The following PTPRT variants were observed in gnomAD, a reference collection of about 807,000 sequenced individuals.
The protein encoded by PTPRT is receptor-type tyrosine-protein phosphatase T.
Under a neutral mutation model 176.8 loss-of-function variants are expected in PTPRT, and 56 were observed. The observed-to-expected ratio is 0.32, with a 90% confidence interval of 0.26 to 0.40. PTPRT has a LOEUF of 0.40. Ranked by LOEUF, PTPRT falls within the 10% of genes least tolerant of loss-of-function variation. The pLI is 1.00. For synonymous variants in PTPRT, 783 were observed against 739.0 expected, an observed-to-expected ratio of 1.06 and a Z score of -0.96; for missense variants, 1,540 against 1,908.2, an observed-to-expected ratio of 0.81 and a Z score of 3.60.
intron 1 of PTPRT, among the ~76,000 whole-genome samples, chr20:43,009,456 G>A (rs1487699372): frequency 2.0e-5 from 3 of 152,116 alleles, no homozygotes; most frequent in African/African-American, 7.2e-5. Flanking sequence ...GTTGAAAGAC[G>A]GTAGAGACAC....
At chr20:42,893,345 A>G (rs1353898146) in intron 1 of PTPRT, among the ~76,000 whole-genome samples, 1 of 152,218 alleles carries the variant, frequency 6.6e-6, no homozygotes, top group African/African-American at 2.4e-5. Flanking sequence ...GGCTATCATT[A>G]AAAAGTCAGG....
intron 1 of PTPRT, among the ~76,000 whole-genome samples, chr20:43,053,208 T>C (rs1987112816): frequency 1.3e-5 from 2 of 152,162 alleles, no homozygotes; most frequent in Admixed American, 1.3e-4. Context: ...TTGTGTTCCT[T>C]CTCTCTCTTC....
chr20:43,094,078 TC>T (rs1185172350), intron 1 of PTPRT, among the ~76,000 whole-genome samples: 1 of 140,728 alleles, frequency 7.1e-6, no homozygotes, highest in Non-Finnish European at 1.5e-5. Flanking sequence ...TCTGTTTTTT[TC>T]TTTCTTTCTT....
At chr20:42,264,279 C>A (rs2056802362) in intron 13 of PTPRT, among the ~76,000 whole-genome samples, 1 of 152,172 alleles carries the variant, frequency 6.6e-6, no homozygotes, top group Non-Finnish European at 1.5e-5. Context: ...GATGTGACAA[C>A]CCTCTTCTGC....
intron 1 of PTPRT, among the ~76,000 whole-genome samples, chr20:43,037,174 C>A (rs1441282709): frequency 6.6e-6 from 1 of 152,140 alleles, no homozygotes; most frequent in Non-Finnish European, 1.5e-5. Context: ...TGCTTTAGCT[C>A]CCTGTAAAGG....
chr20:42,926,816 G>C (rs1225715744), intron 1 of PTPRT, among the ~76,000 whole-genome samples: 1 of 152,138 alleles, frequency 6.6e-6, no homozygotes, highest in African/African-American at 2.4e-5. Context: ...CTCAGCAAGG[G>C]GGCAGCCAGG....
At chr20:42,249,885 C>A (rs959804254) in intron 13 of PTPRT, among the ~76,000 whole-genome samples, 3 of 152,210 alleles carry the variant, frequency 2.0e-5, no homozygotes, top group Non-Finnish European at 4.4e-5. Flanking sequence ...GGGTTATCAG[C>A]ACCCGAAGTG....
intron 1 of PTPRT, among the ~76,000 whole-genome samples, chr20:43,001,713 T>A (rs952297448): frequency 1.3e-5 from 2 of 152,156 alleles, no homozygotes. Context: ...CTTTTATACA[T>A]GATTAAGCTG....
At chr20:43,184,827 T>C (rs1158637941) in intron 1 of PTPRT, among the ~76,000 whole-genome samples, 2 of 152,208 alleles carry the variant, frequency 1.3e-5, no homozygotes, top group African/African-American at 4.8e-5. Flanking sequence ...GAATCCTCAC[T>C]GGGTCCCTCT....
chr20:42,919,758 AAT>A (rs1979023032), intron 1 of PTPRT, among the ~76,000 whole-genome samples: 1 of 152,210 alleles, frequency 6.6e-6, no homozygotes, highest in South Asian at 2.1e-4. Flanking sequence ...CCCACCCTCA[AAT>A]ATAGATTCCT....
intron 4 of PTPRT, among the ~76,000 whole-genome samples, chr20:42,779,780 A>G (rs2077188128): frequency 1.3e-5 from 2 of 152,118 alleles, no homozygotes; most frequent in South Asian, 4.1e-4. Flanking sequence ...AAAAGAATTA[A>G]TAACTTCAGG....
chr20:42,464,081 T>C (rs957103282), intron 8 of PTPRT, among the ~76,000 whole-genome samples: 2 of 152,148 alleles, frequency 1.3e-5, no homozygotes, highest in Non-Finnish European at 2.9e-5. Flanking sequence ...GTGGTACTAC[T>C]GAACTTGGAG....
At chr20:42,260,614 G>A (rs184717145) in intron 13 of PTPRT, among the ~76,000 whole-genome samples, 6 of 152,286 alleles carry the variant, frequency 3.9e-5, no homozygotes, top group Non-Finnish European at 7.4e-5. Flanking sequence ...GGGCAGCAAT[G>A]GGCCAAGGAG....
intron 1 of PTPRT, among the ~76,000 whole-genome samples, chr20:42,935,445 T>C (rs983033704): frequency 4.6e-5 from 7 of 152,064 alleles, no homozygotes; most frequent in African/African-American, 1.7e-4. Flanking sequence ...TGGCCTGCCA[T>C]AACTTATCTT....
intron 9 of PTPRT, among the ~76,000 whole-genome samples, chr20:42,362,673 T>C (rs2058446422): frequency 6.6e-6 from 1 of 152,148 alleles, no homozygotes; most frequent in Admixed American, 6.5e-5. Flanking sequence ...GCTTAAAGTA[T>C]CTATCAATGT....
rs577865356 is a variant in PTPRT at position 42,670,061 on chromosome 20, C to T, written c.1153+7805G>A. 3.3e-5 allele frequency among the ~76,000 whole-genome samples: 5 copies of T among 152,306 alleles called. No individual in the cohort carries two copies. The South Asian group carries it at 1.0e-3, about 32-fold the overall frequency. On this transcript the variant is annotated intron_variant, in intron 7 of 30. Coordinates refer to ENST00000373187, the MANE Select transcript of PTPRT (RefSeq NM_007050.6). ...CACACAGCCACATGTCTTACCTTCT[C>T]AGCAGTGATCAGAGCTTGTTGCTAA... is the stretch of plus-strand genomic sequence containing the variant.
At chr20:42,827,716 C>T (rs1029522473) in intron 2 of PTPRT, among the ~76,000 whole-genome samples, 1 of 152,106 alleles carries the variant, frequency 6.6e-6, no homozygotes, top group African/African-American at 2.4e-5. Flanking sequence ...CTATATGCTG[C>T]CATTCTCATA....
rs960104468 is a variant in PTPRT at position 42,881,746 on chromosome 20, A to G, written c.214+4061T>C. On this transcript the variant is annotated intron_variant, in intron 2 of 30. Transcript: ENST00000373187. ...TCTCAAAAAAAAAAAAAAAAAAAAA[A>G]AAAGAGAGAGAGAGACAACCAAAGA... Among the ~76,000 whole-genome samples the G allele has an allele frequency of 5.3e-5, 8 of 150,586 alleles. No individual in the cohort carries two copies. In the East Asian group the frequency reaches 7.7e-4, roughly 15 times the overall value.
intron 9 of PTPRT, among the ~76,000 whole-genome samples, chr20:42,400,673 T>A (rs2058896676): frequency 6.6e-6 from 1 of 152,016 alleles, no homozygotes; most frequent in Non-Finnish European, 1.5e-5. Context: ...CATGGTGTAT[T>A]GAGGGAATAC....
Sources: allele counts gnomAD v4.1 joint callset (sites outside exome capture counted in the v4.1 genomes callset), GRCh38; gene constraint gnomAD v4.1.1; transcripts MANE v1.5; gene names NCBI Gene and HGNC (gene_info 2026-07-23, HGNC 2026-07-21).